BCAR1: variants seen among roughly 807,000 people sequenced by gnomAD.
BCAR1 encodes the protein breast cancer anti-estrogen resistance protein 1.
A neutral mutation model predicts 67.6 loss-of-function variants in BCAR1; 30 were observed. The observed-to-expected ratio is 0.44, with a 90% CI of 0.33 to 0.60. The LOEUF (loss-of-function observed/expected upper bound fraction) is 0.60, where lower values mean the gene tolerates loss of function less well. BCAR1 is among the 20% of genes least tolerant of loss of function. The pLI, the probability that BCAR1 is intolerant of heterozygous loss-of-function variation, is 0.02. For missense variants in BCAR1, 1,313 were observed against 1,222.3 expected (o/e 1.07, Z -1.11); for synonymous variants, 626 against 556.7 (o/e 1.12, Z -1.75).
chr16:75,261,527 C>T (rs1193785813), intron 1 of BCAR1, among the ~76,000 whole-genome samples: 5 of 152,274 alleles, frequency 3.3e-5, no homozygotes, highest in Non-Finnish European at 4.4e-5. Context: ...ACCACTGCAG[C>T]GGCTCCCACG....
chr16:75,238,257 C>G, intron 2 of BCAR1: 1 of 1,165,946 alleles, frequency 8.6e-7, no homozygotes, highest in Non-Finnish European at 1.1e-6. Context: ...TTGGGGAGGT[C>G]AAGGCCTCCC....
In BCAR1 at chr16:75,236,986, G is replaced by T. The variant is rs775805535; in HGVS notation, c.808C>A (p.Pro270Thr). ...TTGGGACCCTTGACAGCCATGGGGG[G>T]TGTGTCATACACCTGGGGCAGAAAC... ...SQYGQEVYDTPPMAVKGPNGR... is the reference protein window; with the variant it reads ...SQYGQEVYDTTPMAVKGPNGR... Residue 270 changes from proline to threonine, a missense_variant, in exon 4 of 7, where the codon CCC becomes ACC. Physicochemically the swap from Pro to Thr is conservative, Grantham distance 38. Coordinates refer to ENST00000162330, the MANE Select transcript of BCAR1 (RefSeq NM_014567.5). 1.9e-6 allele frequency: 3 copies of T among 1,604,234 alleles called. No individual in the cohort carries two copies. Among genetic ancestry groups the T allele is most frequent in the Admixed American group, 1.7e-5 (1 of 59,424 alleles).
At chr16:75,265,372 C>A (rs1381244270) in intron 1 of BCAR1, among the ~76,000 whole-genome samples, 1 of 152,100 alleles carries the variant, frequency 6.6e-6, no homozygotes, top group Non-Finnish European at 1.5e-5. Context: ...GGAGGTCTTG[C>A]GGGACAGCAC....
Position 75,229,773 on chromosome 16 carries a change from A to C in BCAR1, c.2351T>G (p.Phe784Cys). 1 of 1,613,426 alleles carries C rather than the reference A, an allele frequency of 6.2e-7. No homozygotes were observed. The highest frequency in any genetic ancestry group is 8.5e-7 in the Non-Finnish European group (1 of 1,179,982). Residue 784 changes from phenylalanine (F) to cysteine (C), a missense_variant, in exon 7 of 7, where the codon TTC becomes TGC. Around this residue, in one of 2 missense-constraint regions of BCAR1, gnomAD observed 1,272 missense variants for 1,137.5 expected, o/e 1.12. Transcript: ENST00000162330. ...PPKIFVAHSK[F>C]VILSAHKLVF... ...CAGCTTGTGGGCGCTGAGGATGACG[A>C]ACTTGCTGTGCGCCACAAAGATCTT...
intron 6 of BCAR1, among the ~76,000 whole-genome samples, chr16:75,230,301 T>C (rs908365064): frequency 3.3e-5 from 5 of 152,162 alleles, no homozygotes; most frequent in African/African-American, 1.2e-4. Context: ...GAAAAGTGGC[T>C]GCCTGGGGTC....
intron 1 of BCAR1, 55 bp from the exon 2 acceptor site, chr16:75,243,145 G>A (rs1003302764): frequency 1.3e-5 from 20 of 1,517,622 alleles, no homozygotes; most frequent in Non-Finnish European, 1.7e-5. Flanking sequence ...GGGCGTCAGG[G>A]GCTCCCCAGC....
At chr16:75,243,371 A>G (rs1597229513) in intron 1 of BCAR1, 4 of 626,694 alleles carry the variant, frequency 6.4e-6, no homozygotes, top group South Asian at 3.1e-5. Context: ...GACCCTCAAG[A>G]TATCCCTAAA....
chr16:75,240,084 G>A (rs912832250), intron 2 of BCAR1, among the ~76,000 whole-genome samples: 1 of 152,134 alleles, frequency 6.6e-6, no homozygotes, highest in Admixed American at 6.5e-5. Context: ...TCAGCCATAC[G>A]GGCCACCAGG....
Position 75,229,126 on chromosome 16 carries a change from T to A in BCAR1, c.*385A>T, listed in dbSNP as rs5842. On this transcript the variant is annotated 3_prime_UTR_variant, in exon 7 of 7. Coordinates refer to ENST00000162330, the MANE Select transcript of BCAR1 (RefSeq NM_014567.5). ...ATAGTTCTTCAGGTTCTTCTCCTGG[T>A]AAGGCGGAGGACACACCAAACTGCA... The A allele has an allele frequency of 0.45, 90,005 of 200,800 alleles. 23,055 individuals carry two copies. Among genetic ancestry groups the A allele is most frequent in the Admixed American group, 0.61 (10,111 of 16,654 alleles). 12.4% of individuals were successfully genotyped at this position (200,800 alleles called of 1,614,324 possible).
chr16:75,233,752 A>G, intron 6 of BCAR1, 94 bp downstream of exon 6: 1 of 1,309,400 alleles, frequency 7.6e-7, no homozygotes, highest in South Asian at 1.3e-5. Flanking sequence ...CAACATGAGA[A>G]GCTGGGGACC....
intron 1 of BCAR1, chr16:75,248,400 A>G: frequency 8.4e-7 from 1 of 1,185,620 alleles, no homozygotes; most frequent in Non-Finnish European, 1.1e-6. Flanking sequence ...TGCTTGTCCC[A>G]AAGAGCCTCC....
At chr16:75,261,026 C>T (rs2077896888) in intron 1 of BCAR1, among the ~76,000 whole-genome samples, 1 of 152,144 alleles carries the variant, frequency 6.6e-6, no homozygotes, top group South Asian at 2.1e-4. Context: ...ACTGAAAAAC[C>T]TTCCCAGCCT....
chr16:75,230,527 AC>A (rs1322353846), intron 6 of BCAR1, among the ~76,000 whole-genome samples: 1 of 152,208 alleles, frequency 6.6e-6, no homozygotes, highest in East Asian at 1.9e-4. Flanking sequence ...AACAGAAAAA[AC>A]GAAGATGTCA....
chr16:75,235,485 C>A lies in BCAR1; in HGVS notation c.1414G>T (p.Ala472Ser). Reference sequence around the variant, plus strand: ...AGGTCCAGAAGGTGGGCAACGGTGGCGCTCACACCCTGCTGCAGCCGTGCC... The same window carrying A: ...AGGTCCAGAAGGTGGGCAACGGTGGAGCTCACACCCTGCTGCAGCCGTGCC... ...ALARLQQGVS[A>S]TVAHLLDLAG... is the part of the protein sequence containing the mutation. The change falls in exon 5 of 7, where the codon GCC becomes TCC. Residue 472 changes from alanine to serine, a missense_variant. Ala to Ser is a moderately conservative substitution (Grantham distance 99). This residue lies in a region of BCAR1 where 1,272 missense variants were observed against 1,137.5 expected (regional missense o/e 1.12). Coordinates refer to ENST00000162330, the MANE Select transcript of BCAR1 (RefSeq NM_014567.5). The A allele has an allele frequency of 6.2e-7, 1 of 1,602,468 alleles. No individual in the cohort carries two copies.
intron 1 of BCAR1, among the ~76,000 whole-genome samples, chr16:75,262,497 G>C (rs2077926490): frequency 6.6e-6 from 1 of 152,232 alleles, no homozygotes; most frequent in South Asian, 2.1e-4. Flanking sequence ...ACTTCCTACA[G>C]AGGGAGGGAC....
At chr16:75,264,187 C>A in intron 1 of BCAR1, 5 of 1,333,598 alleles carry the variant, frequency 3.7e-6, no homozygotes, top group Non-Finnish European at 4.8e-6. Flanking sequence ...TGCCCAAAGT[C>A]CTGTAAGGCA....
At chr16:75,266,598 A>G in intron 1 of BCAR1, 1 of 664,394 alleles carries the variant, frequency 1.5e-6, no homozygotes, top group Non-Finnish European at 2.2e-6. Flanking sequence ...GTGCCCACAC[A>G]TGGCACCTGC....
intron 1 of BCAR1, chr16:75,266,957 G>C (rs529598196): frequency 4.7e-6 from 1 of 213,612 alleles, no homozygotes; most frequent in Non-Finnish European, 8.0e-6. Context: ...GTGCCCATGT[G>C]GGGGGCGGGC....
At chr16:75,261,280 G>A (rs1386964755) in intron 1 of BCAR1, among the ~76,000 whole-genome samples, 1 of 152,258 alleles carries the variant, frequency 6.6e-6, no homozygotes, top group East Asian at 1.9e-4. Context: ...CAAGGCCAGG[G>A]GTGAAGGTAA....
Sources: allele counts gnomAD v4.1 joint callset (sites outside exome capture counted in the v4.1 genomes callset), GRCh38; gene constraint gnomAD v4.1.1; regional missense constraint gnomAD v4.1.1; transcripts MANE v1.5; gene names NCBI Gene and HGNC (gene_info 2026-07-23, HGNC 2026-07-21).